Variants in PAK2 observed in about 807,000 individuals in gnomAD.
PAK2 encodes p21 (RAC1) activated kinase 2, also known as serine/threonine-protein kinase PAK 2.
PAK2 carries 21 observed loss-of-function variants against 65.9 expected under a neutral mutation model. The observed-to-expected ratio is 0.32, with a 90% CI of 0.23 to 0.46. The LOEUF (loss-of-function observed/expected upper bound fraction) is 0.46. Among genes scored for constraint, PAK2 ranks in the 20% least tolerant of loss-of-function variants. The pLI, the probability that PAK2 is intolerant of heterozygous loss-of-function variation, is 1.00. For synonymous variants in PAK2, 204 were observed against 219.7 expected, an observed-to-expected ratio of 0.93 and a Z score of 0.63; for missense variants, 324 against 642.6, an observed-to-expected ratio of 0.50 and a Z score of 5.36.
chr3:196,800,919 G>A (rs1434425419), intron 2 of PAK2, among the ~76,000 whole-genome samples: 1 of 152,112 alleles, frequency 6.6e-6, no homozygotes, highest in Non-Finnish European at 1.5e-5. Flanking sequence ...GTAACTGCAG[G>A]AAGCGTAGGC....
intron 1 of PAK2, among the ~76,000 whole-genome samples, chr3:196,741,323 T>G (rs1046810724): frequency 8.5e-5 from 13 of 152,198 alleles, no homozygotes; most frequent in African/African-American, 3.1e-4. Flanking sequence ...AAAGTTACAT[T>G]GGGATGAAGG....
rs1560089766 is a variant in PAK2 at position 196,751,667 on chromosome 3, T to TATATATATATATATATATA, written c.-22+11510_-22+11511insATATATATATATATATATA. On this transcript the variant is annotated intron_variant, in intron 1 of 14. Transcript: ENST00000327134. ...CCCCCCAAAAAACACACAAATTTAT[T>TATATATATATATATATATA]TATATACATATATATATATATATAT... 1.9e-3 allele frequency among the ~76,000 whole-genome samples: 87 copies of TATATATATATATATATATA among 45,052 alleles called. 4 individuals are homozygous for TATATATATATATATATATA. Among genetic ancestry groups the TATATATATATATATATATA allele is most frequent in the Admixed American group, 8.5e-3 (35 of 4,134 alleles). The allele number at this position is 45,052 out of a possible 152,430, so 29.6% of individuals were successfully genotyped here. A position where few individuals can be genotyped will look rare whatever the true frequency, so the allele number is the denominator to read the frequency against.
chr3:196,804,523 A>T (rs1281604835), intron 4 of PAK2, among the ~76,000 whole-genome samples: 1 of 152,142 alleles, frequency 6.6e-6, no homozygotes, highest in Non-Finnish European at 1.5e-5. Context: ...GCTGGAGTGC[A>T]GTGGCACAAT....
At chr3:196,796,940 A>G (rs1224207609) in intron 2 of PAK2, among the ~76,000 whole-genome samples, 1 of 152,234 alleles carries the variant, frequency 6.6e-6, no homozygotes, top group Non-Finnish European at 1.5e-5. Flanking sequence ...TTCACAAAGC[A>G]AAAACTGAGA....
chr3:196,820,272 C>G lies in PAK2; in HGVS notation c.1154-99C>G. 1.8e-6 allele frequency: 1 copy of G among 553,748 alleles called. No individual in the cohort carries two copies. Among genetic ancestry groups the G allele is most frequent in the Non-Finnish European group, 3.0e-6 (1 of 331,308 alleles). 34.3% of individuals were successfully genotyped at this position (553,748 alleles called of 1,614,324 possible). On this transcript the variant is annotated intron_variant, in intron 12 of 14. Transcript: ENST00000327134. The surrounding 1 kb of genome is among the most constrained non-coding windows in gnomAD (Gnocchi z 4.6). The stretch of plus-strand genomic sequence containing the variant: ...TAATGAAATCTTTAAAAACAAGAGG[C>G]CTAATAGTCAAAATATAATTAATTA...
At chr3:196,745,403 C>G (rs1441472760) in intron 1 of PAK2, among the ~76,000 whole-genome samples, 6 of 150,366 alleles carry the variant, frequency 4.0e-5, no homozygotes, top group Admixed American at 2.7e-4. Context: ...GGATTACAGG[C>G]GTGAGCCACC....
intron 2 of PAK2, among the ~76,000 whole-genome samples, chr3:196,785,445 C>T (rs1343453616): frequency 6.6e-6 from 1 of 152,120 alleles, no homozygotes; most frequent in Non-Finnish European, 1.5e-5. Flanking sequence ...CATTCTCACC[C>T]ACAGAAGATG....
chr3:196,762,866 G>A (rs896951808), intron 1 of PAK2, among the ~76,000 whole-genome samples: 1 of 151,998 alleles, frequency 6.6e-6, no homozygotes, highest in Non-Finnish European at 1.5e-5. Context: ...AGTACCATAT[G>A]GATGGATGGG....
intron 1 of PAK2, among the ~76,000 whole-genome samples, chr3:196,763,269 G>T (rs1714045255): frequency 6.6e-6 from 1 of 152,176 alleles, no homozygotes; most frequent in Non-Finnish European, 1.5e-5. Flanking sequence ...CTCAAAAAGA[G>T]TATGTGGGGT....
intron 1 of PAK2, among the ~76,000 whole-genome samples, chr3:196,776,603 G>C (rs972775443): frequency 6.6e-6 from 1 of 152,190 alleles, no homozygotes; most frequent in Non-Finnish European, 1.5e-5. Context: ...CTCAGCGCTT[G>C]ACTTACTCTG....
Position 196,828,579 on chromosome 3 carries a change from G to A in PAK2, c.*174G>A. The stretch of plus-strand genomic sequence containing the variant: ...GAGAAAATTGCAAAAAGACAAGTAT[G>A]ACTTTTATATGAACCCCTTCTTTAG... On this transcript the variant is annotated 3_prime_UTR_variant, in exon 15 of 15. Transcript: ENST00000327134. The A allele has an allele frequency of 1.7e-6, 1 of 588,918 alleles. No individual in the cohort carries two copies. The highest frequency in any genetic ancestry group is 3.0e-6 in the Non-Finnish European group (1 of 334,818). The allele number at this position is 588,918 out of a possible 1,614,324, so 36.5% of individuals were successfully genotyped here.
rs1241264109 is a variant in PAK2 at position 196,829,493 on chromosome 3, T to C, written c.*1088T>C. 6.6e-6 allele frequency: 1 copy of C among 152,144 alleles called. No homozygotes were observed. The highest frequency in any genetic ancestry group is 2.4e-5 in the African/African-American group (1 of 41,438). 9.4% of individuals were successfully genotyped at this position (152,144 alleles called of 1,614,324 possible). A position where few individuals can be genotyped will look rare whatever the true frequency, so the allele number is the denominator to read the frequency against. On this transcript the variant is annotated 3_prime_UTR_variant, in exon 15 of 15. Coordinates refer to ENST00000327134, the MANE Select transcript of PAK2 (RefSeq NM_002577.4). ...TTTCCACTTAAAGGAGAAAAATATTTGGGACTAGCAGCAGAGGCAGTAAGA... is the reference window on the plus strand; with the variant it reads ...TTTCCACTTAAAGGAGAAAAATATTCGGGACTAGCAGCAGAGGCAGTAAGA...
chr3:196,780,088 AC>A (rs980310065), intron 1 of PAK2, among the ~76,000 whole-genome samples: 1 of 152,210 alleles, frequency 6.6e-6, no homozygotes, highest in African/African-American at 2.4e-5. Context: ...CTACCCCAAA[AC>A]AAAACAAATC....
chr3:196,739,977 C>G lies in PAK2; in HGVS notation c.-202C>G, dbSNP rs565579469. 3 of 152,012 alleles carry G rather than the reference C, an allele frequency of 2.0e-5. No homozygotes were observed. The highest frequency in any genetic ancestry group is 7.2e-5 in the African/African-American group (3 of 41,516). The allele number at this position is 152,012 out of a possible 1,614,324, so 9.4% of individuals were successfully genotyped here. On this transcript the variant is annotated 5_prime_UTR_variant, in exon 1 of 15. Coordinates refer to ENST00000327134, the MANE Select transcript of PAK2 (RefSeq NM_002577.4). Reference sequence around the variant, plus strand: ...CCTCCCCTCCCTGGCGTGCGCAGGACTCCGCCGCCGCTGGGCCTAGCGGTA... The same window carrying G: ...CCTCCCCTCCCTGGCGTGCGCAGGAGTCCGCCGCCGCTGGGCCTAGCGGTA...
intron 9 of PAK2, 56 bp downstream of exon 9, chr3:196,812,323 A>G: frequency 9.8e-7 from 1 of 1,020,336 alleles, no homozygotes; most frequent in Non-Finnish European, 1.6e-6. Flanking sequence ...ATAGGTGGAA[A>G]CTAGATGAAG....
chr3:196,827,472 A>G, intron 14 of PAK2, 139 bp downstream of exon 14: 1 of 1,481,462 alleles, frequency 6.8e-7, no homozygotes, highest in South Asian at 1.4e-5. Context: ...TTAGGGTTTC[A>G]TCCTACCATG....
chr3:196,824,523 A>G (rs965527020), intron 13 of PAK2, among the ~76,000 whole-genome samples: 1 of 152,220 alleles, frequency 6.6e-6, no homozygotes, highest in East Asian at 1.9e-4. Context: ...AAGGCTACAT[A>G]TTATTTCAAC....
At chr3:196,751,667 T>TATATATATA (rs1560089766) in intron 1 of PAK2, among the ~76,000 whole-genome samples, 21 of 45,084 alleles carry the variant, frequency 4.7e-4, no homozygotes, top group Admixed American at 1.9e-3. Context: ...ACAAATTTAT[T>TATATATATA]TATATACATA....
chr3:196,765,394 C>T (rs994735928), intron 1 of PAK2, among the ~76,000 whole-genome samples: 1 of 152,084 alleles, frequency 6.6e-6, no homozygotes, highest in Non-Finnish European at 1.5e-5. Flanking sequence ...AAGCAATCCC[C>T]CACCTCCGCC....
Sources: allele counts gnomAD v4.1 joint callset (sites outside exome capture counted in the v4.1 genomes callset), GRCh38; gene constraint gnomAD v4.1.1; non-coding constraint Gnocchi (gnomAD v3.1); transcripts MANE v1.5; gene names NCBI Gene and HGNC (gene_info 2026-07-23, HGNC 2026-07-21).